Variants in SLFN12 observed in about 807,000 individuals in gnomAD.
The protein encoded by SLFN12 is ribonuclease SLFN12.
SLFN12 carries 25 observed loss-of-function variants against 29.1 expected under a neutral mutation model. The ratio of observed to expected loss-of-function variants is 0.86; its 90% confidence interval spans 0.63 to 1.20. The LOEUF (loss-of-function observed/expected upper bound fraction) is 1.20, where lower values mean the gene tolerates loss of function less well. Among genes scored for constraint, SLFN12 ranks in the 50% most tolerant of loss-of-function variants. The pLI is 0.00. For synonymous variants in SLFN12, 257 were observed against 238.7 expected, an observed-to-expected ratio of 1.08 and a Z score of -0.71; for missense variants, 660 against 666.2, an observed-to-expected ratio of 0.99 and a Z score of 0.10.
In SLFN12 at chr17:35,413,485, C is replaced by T. The variant is rs1597760709; in HGVS notation, c.1148-1558G>A. Among the ~76,000 whole-genome samples the T allele has an allele frequency of 3.3e-5, 5 of 152,164 alleles. 1 individual carries two copies. The highest frequency in any genetic ancestry group is 7.4e-5 in the Non-Finnish European group (5 of 68,008). On this transcript the variant is annotated intron_variant, in intron 3 of 3. Coordinates refer to ENST00000304905, the MANE Select transcript of SLFN12 (RefSeq NM_018042.5). Reference sequence around the variant, plus strand: ...TCATTCGGCCCAGTGTAGTGGCTCACGCCTGTAATCCCAGCACTTTGGGAG... The same window carrying T: ...TCATTCGGCCCAGTGTAGTGGCTCATGCCTGTAATCCCAGCACTTTGGGAG...
chr17:35,429,148 T>C (rs546766874), intron 1 of SLFN12, among the ~76,000 whole-genome samples: 3 of 152,186 alleles, frequency 2.0e-5, no homozygotes, highest in Non-Finnish European at 4.4e-5. Flanking sequence ...GGCTGGGCTC[T>C]GTGTAAACTT....
chr17:35,413,392 G>A (rs1025487349), intron 3 of SLFN12, among the ~76,000 whole-genome samples: 2 of 151,984 alleles, frequency 1.3e-5, no homozygotes, highest in Non-Finnish European at 2.9e-5. Flanking sequence ...CAATATCACT[G>A]TTGAAACTAG....
At chr17:35,415,525 A>T (rs1911264708) in intron 3 of SLFN12, among the ~76,000 whole-genome samples, 1 of 152,168 alleles carries the variant, frequency 6.6e-6, no homozygotes. Context: ...AGAAGTAACT[A>T]AACTAAAAGG....
chr17:35,420,934 A>T (rs938932137), intron 2 of SLFN12: 1 of 152,316 alleles, frequency 6.6e-6, no homozygotes, highest in African/African-American at 2.4e-5. Context: ...GACGCCAGGC[A>T]TGGTGGCTCA....
chr17:35,414,144 A>G (rs1436368940), intron 3 of SLFN12, among the ~76,000 whole-genome samples: 1 of 152,128 alleles, frequency 6.6e-6, no homozygotes, highest in Non-Finnish European at 1.5e-5. Context: ...TAGGGAAGAA[A>G]AAAGAAATAA....
At chr17:35,421,860 G>A (rs1430567464) in intron 2 of SLFN12, 130 bp downstream of exon 2, 1 of 1,259,290 alleles carries the variant, frequency 7.9e-7, no homozygotes, top group African/African-American at 1.5e-5. Context: ...ACTATTGATT[G>A]TATCCACCAG....
In SLFN12 at chr17:35,411,515, T is replaced by C; in HGVS notation, c.1560A>G (p.Glu520=). Residue 520 remains glutamate (E), a synonymous_variant, in exon 4 of 4, where the codon GAA becomes GAG. Coordinates refer to ENST00000304905, the MANE Select transcript of SLFN12 (RefSeq NM_018042.5). ...YDLRSQVIYP[E]SYYFTRRKYL... ...ATTTCCTTCTTGTAAAATAGTAGGA[T>C]TCAGGGTAAATTACTTGCGACCTTA... is the stretch of plus-strand genomic sequence containing the variant. 6.2e-7 allele frequency: 1 copy of C among 1,614,056 alleles called. No individual in the cohort carries two copies. The highest frequency in any genetic ancestry group is 8.5e-7 in the Non-Finnish European group (1 of 1,179,998).
chr17:35,420,658 G>A (rs147384924), intron 2 of SLFN12: 193 of 244,828 alleles, frequency 7.9e-4, no homozygotes, highest in African/African-American at 4.1e-3. Context: ...TTTTAAAGCA[G>A]TTAAAATGAG....
intron 1 of SLFN12, among the ~76,000 whole-genome samples, chr17:35,429,440 T>C (rs978331125): frequency 1.1e-4 from 16 of 152,050 alleles, no homozygotes; most frequent in African/African-American, 3.9e-4. Flanking sequence ...GCTTACCAAA[T>C]CCCTAGGGCC....
intron 3 of SLFN12, among the ~76,000 whole-genome samples, chr17:35,419,444 T>C (rs1911500496): frequency 6.6e-6 from 1 of 152,034 alleles, no homozygotes; most frequent in Non-Finnish European, 1.5e-5. Flanking sequence ...ACAAAGCTTA[T>C]TAGAAAAATG....
Position 35,411,664 on chromosome 17 carries a change from T to A in SLFN12, c.1411A>T (p.Thr471Ser). The change falls in exon 4 of 4, where the codon ACA becomes TCA. Residue 471 changes from threonine (T) to serine (S), a missense_variant. Coordinates refer to ENST00000304905, the MANE Select transcript of SLFN12 (RefSeq NM_018042.5). ...VQDEEFKGYS[T>S]QTALTLKQKL... ...TGCTTTAAGGTTAGGGCAGTTTGTG[T>A]AGAATAGCCTTTAAACTCCTCATCC... 6.2e-7 allele frequency: 1 copy of A among 1,614,020 alleles called. No homozygotes were observed.
Position 35,422,258 on chromosome 17 carries a change from G to A in SLFN12, c.771C>T (p.Leu257=), listed in dbSNP as rs754675558. ...IIGFKAEMSD[L]DDLEREIEKS... Reference sequence around the variant, plus strand: ...TTTCGATTTCTCTTTCTAAGTCATCGAGGTCACTCATCTCTGCTTTAAAGC... The same window carrying A: ...TTTCGATTTCTCTTTCTAAGTCATCAAGGTCACTCATCTCTGCTTTAAAGC... Residue 257 remains leucine, a synonymous_variant, in exon 2 of 4, where the codon CTC becomes CTT. Transcript: ENST00000304905. 3.7e-6 allele frequency: 6 copies of A among 1,614,056 alleles called. No individual in the cohort carries two copies. Among genetic ancestry groups the A allele is most frequent in the Middle Eastern group, 3.3e-4 (2 of 6,060 alleles).
At chr17:35,429,988 T>A (rs1026835803) in intron 1 of SLFN12, among the ~76,000 whole-genome samples, 1 of 151,864 alleles carries the variant, frequency 6.6e-6, no homozygotes, top group African/African-American at 2.4e-5. Context: ...CACTCTGCCC[T>A]CCCTGCCTCT....
rs753834289 is a variant in SLFN12, at chr17:35,423,002, C to A, written c.27G>T (p.Thr9=). 6.2e-7 allele frequency: 1 copy of A among 1,612,092 alleles called. No homozygotes were observed. Residue 9 remains threonine (T), a synonymous_variant, in exon 2 of 4, where the codon ACG becomes ACT. Coordinates refer to ENST00000304905, the MANE Select transcript of SLFN12 (RefSeq NM_018042.5). MNISVDLE[T]NYAELVLDVG... is the part of the protein sequence containing the mutation. Reference sequence around the variant, plus strand: ...CATCTAGAACCAACTCGGCATAATTCGTTTCCAAATCAACACTGATGTTCA... The same window carrying A: ...CATCTAGAACCAACTCGGCATAATTAGTTTCCAAATCAACACTGATGTTCA...
Position 35,414,167 on chromosome 17 carries a change from C to T in SLFN12, c.1148-2240G>A, listed in dbSNP as rs150715308. 3.1e-3 allele frequency among the ~76,000 whole-genome samples: 476 copies of T among 152,120 alleles called. 4 individuals carry two copies. Among genetic ancestry groups the T allele is most frequent in the Non-Finnish European group, 5.5e-3 (372 of 67,992 alleles). Reference sequence around the variant, plus strand: ...AAAAAAGAAATAAAAAGAATCCAAACTGGAAAATAAGAAATTAAATTGTCA... The same window carrying T: ...AAAAAAGAAATAAAAAGAATCCAAATTGGAAAATAAGAAATTAAATTGTCA... On this transcript the variant is annotated intron_variant, in intron 3 of 3. Transcript: ENST00000304905.
Position 35,427,817 on chromosome 17 carries a change from C to T in SLFN12, c.-41+4371G>A, listed in dbSNP as rs567580916. ...TACTAGAATCTTGACTCAGTTATTTCAATGTTTGGGTATGCTAATCACACA... is the reference window on the plus strand; with the variant it reads ...TACTAGAATCTTGACTCAGTTATTTTAATGTTTGGGTATGCTAATCACACA... On this transcript the variant is annotated intron_variant, in intron 1 of 3. Transcript: ENST00000304905. 6.6e-5 allele frequency among the ~76,000 whole-genome samples: 10 copies of T among 152,210 alleles called. No individual in the cohort carries two copies. In the South Asian group the frequency reaches 1.7e-3, roughly 25 times the overall value.
chr17:35,422,511 T>G lies in SLFN12; in HGVS notation c.518A>C (p.Glu173Ala), dbSNP rs1472626004. Residue 173 changes from glutamate (E) to alanine (A), a missense_variant, in exon 2 of 4, where the codon GAA (glutamate) becomes GCA (alanine). Transcript: ENST00000304905. ...LAKRPCVDIQ[E>A]ENNMKALAGV... The stretch of plus-strand genomic sequence containing the variant: ...GGCCAAGGCCTTCATGTTATTTTCT[T>G]CTTGTATATCAACACAGGGCCTCTT... 1.2e-6 allele frequency: 2 copies of G among 1,613,782 alleles called. No homozygotes were observed. The highest frequency in any genetic ancestry group is 3.3e-5 in the Admixed American group (2 of 59,968).
Position 35,411,779 on chromosome 17 carries a change from C to T in SLFN12, c.1296G>A (p.Leu432=), listed in dbSNP as rs569257363. ...LIFSRSWSVD[L]GLQENHKVLC... ...GGACTTTGTGGTTCTCTTGCAAGCC[C>T]AGATCCACAGACCAGCTCCTAGAGA... Residue 432 remains leucine, a synonymous_variant, in exon 4 of 4, where the codon CTG becomes CTA. Transcript: ENST00000304905. 7 of 1,614,018 alleles carry T rather than the reference C, an allele frequency of 4.3e-6. No homozygotes were observed. In the East Asian group the frequency reaches 1.1e-4, roughly 26 times the overall value.
At chr17:35,425,833 C>CTTTTTTTT (rs1475313050) in intron 1 of SLFN12, among the ~76,000 whole-genome samples, 3 of 22,208 alleles carry the variant, frequency 1.4e-4, no homozygotes. Context: ...CTTTTCTTTT[C>CTTTTTTTT]TTTTCTTTTT....
Sources: allele counts gnomAD v4.1 joint callset (sites outside exome capture counted in the v4.1 genomes callset), GRCh38; gene constraint gnomAD v4.1.1; transcripts MANE v1.5; gene names NCBI Gene and HGNC (gene_info 2026-07-23, HGNC 2026-07-21).